Variants in MYH7 observed in about 807,000 individuals in gnomAD.
The protein encoded by MYH7 is myosin-7.
A neutral mutation model predicts 225.4 loss-of-function variants in MYH7; 129 were observed. The observed-to-expected ratio is 0.57, with a 90% CI of 0.50 to 0.66. The LOEUF is 0.66. MYH7 is among the 30% of genes least tolerant of loss of function. MYH7 has a pLI of 0.00. For missense variants in MYH7, 1,649 were observed against 2,517.0 expected (o/e 0.66, Z 7.38); for synonymous variants, 971 against 1,007.6 (o/e 0.96, Z 0.69).
rs1223145816 is a variant in MYH7 at position 23,432,496 on chromosome 14, G to A, written c.513C>T (p.Asn171=). 5.0e-6 allele frequency: 8 copies of A among 1,614,030 alleles called. No homozygotes were observed. Among genetic ancestry groups the A allele is most frequent in the East Asian group, 2.2e-5 (1 of 44,886 alleles). ...AYQYMLTDRE[N]QSILITGESG... The stretch of plus-strand genomic sequence containing the variant: ...ACACTCACGTGATCAGGATGGACTG[G>A]TTTTCTCTGTCTGTGGGGAGAGGGT... The change falls in exon 6 of 40, where the codon AAC becomes AAT. Residue 171 remains asparagine, a synonymous_variant. Coordinates refer to ENST00000355349, the MANE Select transcript of MYH7 (RefSeq NM_000257.4).
chr14:23,435,115 A>G (rs748548368), intron 1 of MYH7, among the ~76,000 whole-genome samples: 4 of 152,128 alleles, frequency 2.6e-5, no homozygotes, highest in Non-Finnish European at 4.4e-5. Context: ...TATAACAGTC[A>G]TGACTCGTGG....
chr14:23,427,925 G>A (rs1458348782), intron 15 of MYH7, 31 bp from the exon 16 acceptor site: 4 of 1,613,060 alleles, frequency 2.5e-6, no homozygotes, highest in Non-Finnish European at 3.4e-6. Context: ...ATCACTGAGT[G>A]TCCTTCACAC....
At chr14:23,418,104 A>G in intron 30 of MYH7, 106 bp downstream of exon 30, 2 of 1,541,910 alleles carry the variant, frequency 1.3e-6, no homozygotes, top group Non-Finnish European at 9.0e-7. Context: ...CTGTGTTGTC[A>G]AACACTAGCT....
chr14:23,423,904 T>C lies in MYH7; in HGVS notation c.2922+3A>G, dbSNP rs1227114881. The stretch of plus-strand genomic sequence containing the variant: ...GGCTGGAGCCAAAGGGAGCTGCCCT[T>C]ACCTTGTTCTCTGTTGCGTGTTTCT... On this transcript the variant is annotated splice_donor_region_variant and intron_variant, in intron 23 of 39. Transcript: ENST00000355349. 9.3e-6 allele frequency: 15 copies of C among 1,614,034 alleles called. 1 individual carries two copies. In the Admixed American group the frequency reaches 1.5e-4, roughly 16 times the overall value.
At position 23,433,433 on chromosome 14, in the gene MYH7, C is replaced by T. The variant is rs2138686205; in HGVS notation, c.201+99G>A. ...CCAAAGGGAAGGAGAATGGGACCATCCTCAGGTCTGCATGGGCATGGGGCA... is the reference window on the plus strand; with the variant it reads ...CCAAAGGGAAGGAGAATGGGACCATTCTCAGGTCTGCATGGGCATGGGGCA... On this transcript the variant is annotated intron_variant, in intron 3 of 39. Transcript: ENST00000355349. The surrounding 1 kb of genome is among the most constrained non-coding windows in gnomAD (Gnocchi z 4.1). 3 of 1,470,250 alleles carry T rather than the reference C, an allele frequency of 2.0e-6. No individual in the cohort carries two copies. The highest frequency in any genetic ancestry group is 4.5e-5 in the East Asian group (2 of 44,186). The allele number at this position is 1,470,250 out of a possible 1,614,324, so 91.1% of individuals were successfully genotyped here.
chr14:23,426,526 G>C (rs552325206), intron 18 of MYH7, among the ~76,000 whole-genome samples: 1 of 152,352 alleles, frequency 6.6e-6, no homozygotes, highest in East Asian at 1.9e-4. Context: ...TGGACAACCA[G>C]CTATCCAAGG....
Position 23,420,992 on chromosome 14 carries a change from C to T in MYH7, c.3302G>A (p.Gly1101Asp). 1 of 1,612,464 alleles carries T rather than the reference C, an allele frequency of 6.2e-7. No individual in the cohort carries two copies. Among genetic ancestry groups the T allele is most frequent in the Middle Eastern group, 2.1e-4 (1 of 4,730 alleles). Residue 1101 changes from glycine (G) to aspartate (D), a missense_variant, in exon 26 of 40, where the codon GGC becomes GAC. Physicochemically the swap from Gly to Asp is moderately conservative, Grantham distance 94. Coordinates refer to ENST00000355349, the MANE Select transcript of MYH7 (RefSeq NM_000257.4). The stretch of plus-strand genomic sequence containing the variant: ...CTTGAGCTTCTTCTGCAGCTGGCTG[C>T]CGAGGGCCTGTTCATCCTCAATCCT... ...NARIEDEQALGSQLQKKLKEL... is the reference protein window; with the variant it reads ...NARIEDEQALDSQLQKKLKEL...
chr14:23,415,712 C>A lies in MYH7; in HGVS notation c.5074G>T (p.Val1692Leu), dbSNP rs748373063. The A allele has an allele frequency of 1.9e-6, 3 of 1,614,220 alleles. No homozygotes were observed. Among genetic ancestry groups the A allele is most frequent in the East Asian group, 4.5e-5 (2 of 44,876 alleles). ...QAELEELRAVVEQTERSRKLA... is the reference protein window; with the variant it reads ...QAELEELRAVLEQTERSRKLA... ...TTCCGGGACCGCTCTGTCTGCTCCA[C>A]CACGGCACGCAACTCCTCCAGCTCA... The change falls in exon 35 of 40, where the codon GTG becomes TTG. Residue 1692 changes from valine to leucine, a missense_variant. Coordinates refer to ENST00000355349, the MANE Select transcript of MYH7 (RefSeq NM_000257.4). The surrounding 1 kb of genome is among the most constrained non-coding windows in gnomAD (Gnocchi z 6.3).
In MYH7 at chr14:23,419,526, G is replaced by T; in HGVS notation, c.3810C>A (p.Val1270=). ...TGGCCCGCTGGCTGGTGAGGTCGTT[G>T]ACAGAACGCTGGGTCTCCTCCGCCT... ...RSKAEETQRS[V]NDLTSQRAKL... is the part of the protein sequence containing the mutation. Residue 1270 remains valine (V), a synonymous_variant, in exon 28 of 40, where the codon GTC becomes GTA. Transcript: ENST00000355349. 1 of 1,614,102 alleles carries T rather than the reference G, an allele frequency of 6.2e-7. No individual in the cohort carries two copies. The highest frequency in any genetic ancestry group is 8.5e-7 in the Non-Finnish European group (1 of 1,180,024).
chr14:23,435,028 T>C (rs1893088441), intron 1 of MYH7, among the ~76,000 whole-genome samples: 1 of 152,144 alleles, frequency 6.6e-6, no homozygotes, highest in African/African-American at 2.4e-5. Context: ...CATCACTGCG[T>C]GTTCTTCAGT....
At chr14:23,416,553 G>A (rs1165324842) in intron 33 of MYH7, among the ~76,000 whole-genome samples, 3 of 152,178 alleles carry the variant, frequency 2.0e-5, no homozygotes, top group Non-Finnish European at 4.4e-5. Context: ...AGAGAAAAGT[G>A]TTGCCAAGGA....
Position 23,429,331 on chromosome 14 carries a change from G to A in MYH7, c.1155C>T (p.Ala385=). The change falls in exon 13 of 40, where the codon GCC becomes GCT. Residue 385 remains alanine, a synonymous_variant. Transcript: ENST00000355349. ...CGGCTGAGTTCAGCCCCATGAGGTA[G>A]GCAGACTTGTCAGCCTCTGGAAGGA... ...PDGTEEADKS[A]YLMGLNSADL... The A allele has an allele frequency of 6.2e-7, 1 of 1,614,200 alleles. No homozygotes were observed. The highest frequency in any genetic ancestry group is 1.1e-5 in the South Asian group (1 of 91,080).
intron 30 of MYH7, 142 bp from the exon 31 acceptor site, chr14:23,417,828 C>T (rs542211752): frequency 2.6e-5 from 31 of 1,202,088 alleles, no homozygotes; most frequent in Middle Eastern, 2.7e-4. Context: ...TCCCAGGGGC[C>T]GAGAACATCA....
chr14:23,428,814 A>G, intron 14 of MYH7, 141 bp downstream of exon 14: 7 of 1,573,410 alleles, frequency 4.4e-6, no homozygotes, highest in Non-Finnish European at 6.0e-6. Flanking sequence ...TCCCCTGAAG[A>G]CAGAGAAAAT....
At chr14:23,430,738 C>T (rs2138679629) in intron 10 of MYH7, 75 bp from the exon 11 acceptor site, 1 of 1,384,498 alleles carries the variant, frequency 7.2e-7, no homozygotes, top group East Asian at 2.3e-5. Context: ...CAGCACATGG[C>T]CTGAGGAAGA....
Position 23,422,574 on chromosome 14 carries a change from C to CCTTTCTTT in MYH7, c.3100-257_3100-250dup, listed in dbSNP as rs138565959. On this transcript the variant is annotated intron_variant, in intron 24 of 39. Transcript: ENST00000355349. Reference sequence around the variant, plus strand: ...CAAAGCCGTATTCTTTCTTTCTTTCCCTTTCTTTCTTTCTTTCTTTCTCTC... The same window carrying CCTTTCTTT: ...CAAAGCCGTATTCTTTCTTTCTTTCCCTTTCTTTCTTTCTTTCTTTCTTTCTTTCTCTC... Among the ~76,000 whole-genome samples, 251 of 146,858 alleles carry CCTTTCTTT rather than the reference C, an allele frequency of 1.7e-3. 1 individual carries two copies. The highest frequency in any genetic ancestry group is 4.9e-3 in the African/African-American group (188 of 38,198).
In MYH7 at chr14:23,415,303, G is replaced by C; in HGVS notation, c.5284-33C>G. On this transcript the variant is annotated intron_variant, in intron 36 of 39. Transcript: ENST00000355349. The surrounding 1 kb of genome is among the most constrained non-coding windows in gnomAD (Gnocchi z 6.3). ...CAGGAGAGAGGTGGCACATGGTCTG[G>C]TCAAGTCCTCACACACTTGCTGCCC... 6.2e-7 allele frequency: 1 copy of C among 1,614,210 alleles called. No homozygotes were observed. The highest frequency in any genetic ancestry group is 1.1e-5 in the South Asian group (1 of 91,082).
Position 23,430,658 on chromosome 14 carries a change from G to A in MYH7, c.901C>T (p.Leu301=), listed in dbSNP as rs925939727. Reference sequence around the variant, plus strand: ...TCGTAGGGGTTGTTGGTGATCAGCAGCATGTCTAGGGGAAAAAACATGGTT... The same window carrying A: ...TCGTAGGGGTTGTTGGTGATCAGCAACATGTCTAGGGGAAAAAACATGGTT... The part of the protein sequence containing the change: ...SNKKPELLDM[L]LITNNPYDYA... The change falls in exon 11 of 40, where the codon CTG becomes TTG. Residue 301 remains leucine, a synonymous_variant. Coordinates refer to ENST00000355349, the MANE Select transcript of MYH7 (RefSeq NM_000257.4). 1 of 1,613,418 alleles carries A rather than the reference G, an allele frequency of 6.2e-7. No individual in the cohort carries two copies. Among genetic ancestry groups the A allele is most frequent in the Non-Finnish European group, 8.5e-7 (1 of 1,179,486 alleles).
At chr14:23,420,926 C>T in intron 26 of MYH7, 32 bp downstream of exon 26, 1 of 1,573,710 alleles carries the variant, frequency 6.4e-7, no homozygotes, top group Non-Finnish European at 8.7e-7. Context: ...AGCCCAGGGA[C>T]TCAGCATCCC....
Sources: gnomAD v4.1 joint callset for allele counts (sites outside exome capture counted in the v4.1 genomes callset) on GRCh38, gnomAD v4.1.1 for gene constraint, Gnocchi (gnomAD v3.1) non-coding constraint, MANE v1.5 for transcripts, NCBI Gene and HGNC (gene_info 2026-07-23, HGNC 2026-07-21) for gene names.